PARVA: variants seen among roughly 807,000 people sequenced by gnomAD.
The protein encoded by PARVA is alpha-parvin.
PARVA carries 25 observed loss-of-function variants against 52.6 expected under a neutral mutation model. That is an observed-to-expected ratio of 0.48 (90% CI 0.35 to 0.66). The LOEUF (loss-of-function observed/expected upper bound fraction) is 0.66. PARVA is among the 30% of genes least tolerant of loss of function. The pLI, the probability that PARVA is intolerant of heterozygous loss-of-function variation, is 0.01. For missense variants in PARVA, 373 were observed against 450.9 expected, an observed-to-expected ratio of 0.83 and a Z score of 1.56; for synonymous variants, 185 against 179.1, an observed-to-expected ratio of 1.03 and a Z score of -0.26.
intron 4 of PARVA, among the ~76,000 whole-genome samples, chr11:12,492,611 A>T (rs1941247174): frequency 6.6e-6 from 1 of 152,220 alleles, no homozygotes; most frequent in South Asian, 2.1e-4. Flanking sequence ...TAGCAGAAGA[A>T]GTTCGCAAAT....
At chr11:12,397,608 AAG>A (rs1437626077) in intron 1 of PARVA, among the ~76,000 whole-genome samples, 4 of 152,204 alleles carry the variant, frequency 2.6e-5, no homozygotes, top group Non-Finnish European at 5.9e-5. Flanking sequence ...CAGTCTTGAA[AAG>A]AGAGGGTGGA....
At chr11:12,475,884 G>T (rs1466965735) in intron 3 of PARVA, among the ~76,000 whole-genome samples, 2 of 152,182 alleles carry the variant, frequency 1.3e-5, no homozygotes, top group African/African-American at 2.4e-5. Flanking sequence ...CCCCTGCCCA[G>T]TGAGACCCTG....
chr11:12,499,249 T>C (rs1187282096), intron 5 of PARVA, among the ~76,000 whole-genome samples: 4 of 152,194 alleles, frequency 2.6e-5, no homozygotes, highest in Non-Finnish European at 5.9e-5. Context: ...TACAAAGTCA[T>C]AGTGGCTTGT....
intron 12 of PARVA, among the ~76,000 whole-genome samples, chr11:12,526,684 G>A (rs1366016768): frequency 6.6e-6 from 1 of 152,182 alleles, no homozygotes; most frequent in Admixed American, 6.5e-5. Flanking sequence ...TCTGAGTCCA[G>A]TCATCAAGGT....
chr11:12,390,776 T>G (rs1369686401), intron 1 of PARVA, among the ~76,000 whole-genome samples: 1 of 152,174 alleles, frequency 6.6e-6, no homozygotes, highest in Admixed American at 6.5e-5. Context: ...TCAGCCCTGG[T>G]GAGGCAGACC....
At chr11:12,513,916 C>A in intron 9 of PARVA, 81 bp from the exon 10 acceptor site, 1 of 1,311,138 alleles carries the variant, frequency 7.6e-7, no homozygotes, top group Non-Finnish European at 1.1e-6. Flanking sequence ...CACCCTTGCC[C>A]TCACGGGAGT....
chr11:12,499,237 T>C (rs1259491938), intron 5 of PARVA, among the ~76,000 whole-genome samples: 1 of 152,204 alleles, frequency 6.6e-6, no homozygotes, highest in Non-Finnish European at 1.5e-5. Context: ...GCTGGGCTTA[T>C]TTACAAAGTC....
At chr11:12,466,656 TTATCCTTTTGGTGTTGTATCTAAAAAC>T (rs1218511856) in intron 1 of PARVA, among the ~76,000 whole-genome samples, 1 of 152,118 alleles carries the variant, frequency 6.6e-6, no homozygotes, top group Non-Finnish European at 1.5e-5. Context: ...CTTTCATTGA[TTATCCTTTTGGTGTTGTATCTAAAAAC>T]TCATTATCCA....
intron 3 of PARVA, among the ~76,000 whole-genome samples, chr11:12,476,040 G>A (rs57859158): frequency 0.034 from 5,195 of 152,254 alleles, 289 homozygotes; most frequent in African/African-American, 0.12. Context: ...ATCAGAGGGC[G>A]CTCACCATGC....
At chr11:12,487,183 G>A (rs148880829) in intron 4 of PARVA, among the ~76,000 whole-genome samples, 3 of 152,284 alleles carry the variant, frequency 2.0e-5, no homozygotes, top group East Asian at 3.9e-4. Flanking sequence ...ATGTTGAACA[G>A]GTATGACTCC....
At chr11:12,408,943 T>A (rs112189587) in intron 1 of PARVA, among the ~76,000 whole-genome samples, 2,508 of 151,908 alleles carry the variant, frequency 0.017, 65 homozygotes, top group African/African-American at 0.057. Flanking sequence ...GAAAGAGGGG[T>A]CAGTAGGTAC....
chr11:12,494,013 C>T (rs1179536419), intron 4 of PARVA, among the ~76,000 whole-genome samples: 4 of 152,186 alleles, frequency 2.6e-5, no homozygotes, highest in African/African-American at 9.7e-5. Flanking sequence ...AAAACCCTTT[C>T]CTCAGATATG....
intron 1 of PARVA, among the ~76,000 whole-genome samples, chr11:12,389,572 C>G (rs932726198): frequency 6.6e-6 from 1 of 152,186 alleles, no homozygotes; most frequent in Admixed American, 6.5e-5. Context: ...TTAGGTGGAA[C>G]TCTTAGGAGA....
chr11:12,501,781 A>T (rs1288141679), intron 5 of PARVA, among the ~76,000 whole-genome samples: 1 of 152,204 alleles, frequency 6.6e-6, no homozygotes, highest in Non-Finnish European at 1.5e-5. Context: ...TCCCAGGAGG[A>T]TAGAGCATTC....
chr11:12,417,555 A>G (rs2134980920), intron 1 of PARVA, among the ~76,000 whole-genome samples: 1 of 152,256 alleles, frequency 6.6e-6, no homozygotes, highest in South Asian at 2.1e-4. Context: ...TTCTGTCTGC[A>G]TTTTCTAATT....
chr11:12,468,105 C>T lies in PARVA; in HGVS notation c.137-5640C>T, dbSNP rs113546872. On this transcript the variant is annotated intron_variant, in intron 1 of 12. Coordinates refer to ENST00000334956, the MANE Select transcript of PARVA (RefSeq NM_018222.5). ...ATGTTCCCTTTTTAGGACTCCTTCC[C>T]AGTCTTCTCCATCCAAAGTTAGCCT... 9.9e-3 allele frequency among the ~76,000 whole-genome samples: 1,515 copies of T among 152,290 alleles called. 23 individuals are homozygous for T. The highest frequency in any genetic ancestry group is 0.031 in the African/African-American group (1,270 of 41,548).
intron 1 of PARVA, chr11:12,398,098 T>A (rs1484742676): frequency 6.6e-6 from 1 of 152,156 alleles, no homozygotes; most frequent in Non-Finnish European, 1.5e-5. Flanking sequence ...GTTAACAGGC[T>A]GATTTCCTTT....
intron 1 of PARVA, among the ~76,000 whole-genome samples, chr11:12,378,380 GT>G (rs1336660835): frequency 6.6e-6 from 1 of 152,160 alleles, no homozygotes; most frequent in East Asian, 1.9e-4. Flanking sequence ...GACATCGAGT[GT>G]TTGTTGAATG....
At chr11:12,378,266 C>G (rs1263235239) in intron 1 of PARVA, among the ~76,000 whole-genome samples, 1 of 152,190 alleles carries the variant, frequency 6.6e-6, no homozygotes, top group African/African-American at 2.4e-5. Flanking sequence ...AGGTCGTTTC[C>G]TGGACCTGCT....
Sources: gnomAD v4.1 joint callset for allele counts (sites outside exome capture counted in the v4.1 genomes callset) on GRCh38, gnomAD v4.1.1 for gene constraint, MANE v1.5 for transcripts, NCBI Gene and HGNC (gene_info 2026-07-23, HGNC 2026-07-21) for gene names.